Variants in PARP4 observed in about 807,000 individuals in gnomAD.
The protein encoded by PARP4 is protein mono-ADP-ribosyltransferase PARP4.
Under a neutral mutation model 187.7 loss-of-function variants are expected in PARP4, and 120 were observed. The ratio of observed to expected loss-of-function variants is 0.64; its 90% CI spans 0.55 to 0.74. The LOEUF is 0.74. Among genes scored for constraint, PARP4 ranks in the 30% least tolerant of loss-of-function variants. The probability of loss-of-function intolerance (pLI) is 0.00; values close to 1 mark genes in which losing one functional copy is unlikely to be tolerated. For missense variants in PARP4, 1,836 were observed against 2,070.5 expected, an observed-to-expected ratio of 0.89 and a Z score of 2.20; for synonymous variants, 654 against 740.9, an observed-to-expected ratio of 0.88 and a Z score of 1.90.
intron 17 of PARP4, among the ~76,000 whole-genome samples, chr13:24,465,932 A>G (rs1186848571): frequency 6.6e-6 from 1 of 152,024 alleles, no homozygotes; most frequent in Non-Finnish European, 1.5e-5. Context: ...AGGTTCTTAC[A>G]TATGAAGTAG....
At chr13:24,468,969 G>A in intron 17 of PARP4, 55 bp downstream of exon 17, 1 of 1,187,752 alleles carries the variant, frequency 8.4e-7, no homozygotes, top group Non-Finnish European at 1.3e-6. Context: ...TTCATATCTT[G>A]TTCTAACTCT....
intron 12 of PARP4, among the ~76,000 whole-genome samples, chr13:24,483,852 C>A (rs1873411827): frequency 6.6e-6 from 1 of 152,202 alleles, no homozygotes; most frequent in African/African-American, 2.4e-5. Context: ...GTCTCGAACT[C>A]CTGGCCTCAA....
rs145033589 is a variant in PARP4 at position 24,501,813 on chromosome 13, T to C, written c.154A>G (p.Asn52Asp). Residue 52 changes from asparagine (N) to aspartate (D), a missense_variant, in exon 3 of 34, where the codon AAT (asparagine) becomes GAT (aspartate). Transcript: ENST00000381989. Reference sequence around the variant, plus strand: ...TGGTACTGACTCAGAACATCAGCATTATCTAAGATTATATGTGTGCACTAA... The same window carrying C: ...TGGTACTGACTCAGAACATCAGCATCATCTAAGATTATATGTGTGCACTAA... ...NPQCTHIILDNADVLSQYQLN... is the reference protein window; with the variant it reads ...NPQCTHIILDDADVLSQYQLN... 117 of 1,609,894 alleles carry C rather than the reference T, an allele frequency of 7.3e-5. No individual in the cohort carries two copies. The African/African-American group carries it at 1.3e-3, about 17-fold the overall frequency.
rs1456525224 is a variant in PARP4 at position 24,498,125 on chromosome 13, A to G, written c.582T>C (p.Asp194=). 7 of 1,604,928 alleles carry G rather than the reference A, an allele frequency of 4.4e-6. No homozygotes were observed. In the South Asian group the frequency reaches 6.6e-5, roughly 15 times the overall value. ...ATATAAACAGCATTACCTCCATGCC[A>G]TCATCCAGGAGGAAGTGTGAGGATA... is the stretch of plus-strand genomic sequence containing the variant. ...FLISSHFLLD[D]GMETRRQFAI... Residue 194 remains aspartate, a synonymous_variant, in exon 6 of 34, where the codon GAT becomes GAC. Coordinates refer to ENST00000381989, the MANE Select transcript of PARP4 (RefSeq NM_006437.4).
At chr13:24,427,227 G>A (rs1314455241) in intron 32 of PARP4, among the ~76,000 whole-genome samples, 4 of 152,082 alleles carry the variant, frequency 2.6e-5, no homozygotes, top group African/African-American at 4.8e-5. Context: ...AATTACACTG[G>A]TGTATCAAAT....
Position 24,435,001 on chromosome 13 carries a change from C to A in PARP4, c.4140G>T (p.Ser1380=), listed in dbSNP as rs370122963. The A allele has an allele frequency of 3.8e-5, 61 of 1,613,754 alleles. No individual in the cohort carries two copies. The highest frequency in any genetic ancestry group is 4.4e-5 in the Non-Finnish European group (52 of 1,180,018). The change falls in exon 31 of 34, where the codon TCG becomes TCT. Residue 1380 remains serine, a synonymous_variant. Coordinates refer to ENST00000381989, the MANE Select transcript of PARP4 (RefSeq NM_006437.4). ...GGGGAGGTCCTGTGGGACAAGACGC[C>A]GACTGTGGGATCCAGTCAGCACAAG... ...PGTCADWIPQ[S]ASCPTGPPQN...
chr13:24,456,972 A>G (rs538935982), intron 20 of PARP4, among the ~76,000 whole-genome samples: 2 of 152,160 alleles, frequency 1.3e-5, no homozygotes, highest in Admixed American at 6.5e-5. Context: ...GACCATGAGC[A>G]TATCAGTCAC....
intron 21 of PARP4, among the ~76,000 whole-genome samples, chr13:24,455,757 A>G (rs1871811662): frequency 6.7e-6 from 1 of 150,020 alleles, no homozygotes. Flanking sequence ...AGCTGAAACC[A>G]CAGGTGTGCA....
chr13:24,449,685 A>T, intron 25 of PARP4, 33 bp downstream of exon 25: 1 of 1,132,122 alleles, frequency 8.8e-7, no homozygotes, highest in Non-Finnish European at 1.3e-6. Flanking sequence ...ATTTCCAAAC[A>T]TAAATATAAA....
intron 17 of PARP4, among the ~76,000 whole-genome samples, chr13:24,461,809 A>T (rs1355810257): frequency 6.6e-6 from 1 of 152,114 alleles, no homozygotes; most frequent in East Asian, 1.9e-4. Context: ...AGCTGCGGGG[A>T]AGGGGCAGAA....
chr13:24,462,871 G>C (rs1197700886), intron 17 of PARP4, among the ~76,000 whole-genome samples: 1 of 110,158 alleles, frequency 9.1e-6, no homozygotes, highest in East Asian at 3.1e-4. Context: ...AAATGAAAGT[G>C]AAAACAGAGC....
intron 1 of PARP4, among the ~76,000 whole-genome samples, chr13:24,508,421 G>GA (rs981383365): frequency 2.0e-5 from 3 of 150,838 alleles, no homozygotes; most frequent in Non-Finnish European, 3.0e-5. Context: ...TTGTATAACA[G>GA]AAAAAAAAAG....
intron 24 of PARP4, among the ~76,000 whole-genome samples, chr13:24,451,056 G>T (rs73172132): frequency 0.098 from 14,938 of 152,070 alleles, 805 homozygotes; most frequent in Middle Eastern, 0.12. Flanking sequence ...ACACTCCCTT[G>T]ATTTCCTCCC....
At chr13:24,492,365 A>ACCCC (rs1868702690) in intron 9 of PARP4, 56 bp downstream of exon 9, 1 of 1,152,660 alleles carries the variant, frequency 8.7e-7, no homozygotes, top group East Asian at 2.5e-5. Flanking sequence ...ATTTCTAAAG[A>ACCCC]CCCCCACCCT....
chr13:24,489,489 T>C (rs1868504531), intron 10 of PARP4, among the ~76,000 whole-genome samples: 1 of 151,984 alleles, frequency 6.6e-6, no homozygotes, highest in East Asian at 1.9e-4. Flanking sequence ...GCGTCTATAG[T>C]CCCAGCTGAG....
At chr13:24,499,183 C>T in intron 5 of PARP4, 118 bp downstream of exon 5, 1 of 1,048,606 alleles carries the variant, frequency 9.5e-7, no homozygotes, top group Non-Finnish European at 1.3e-6. Context: ...ATATGATATT[C>T]AGGATATGCA....
intron 26 of PARP4, 34 bp from the exon 27 acceptor site, chr13:24,446,795 C>T (rs751625870): frequency 2.6e-5 from 37 of 1,408,256 alleles, no homozygotes; most frequent in Non-Finnish European, 3.6e-5. Flanking sequence ...TCCTCATTAG[C>T]CTTTCCACTC....
Position 24,492,414 on chromosome 13 carries a change from G to A in PARP4, c.1053+7C>T, listed in dbSNP as rs759851107. 109 of 1,603,120 alleles carry A rather than the reference G, an allele frequency of 6.8e-5. No individual in the cohort carries two copies. Among genetic ancestry groups the A allele is most frequent in the Non-Finnish European group, 8.7e-5 (102 of 1,173,354 alleles). ...AATAAATAGAATTCTATATTTCAGA[G>A]GTTTACCTGGCAGAGGTCTGCTTTC... On this transcript the variant is annotated splice_region_variant and intron_variant, in intron 9 of 33. Coordinates refer to ENST00000381989, the MANE Select transcript of PARP4 (RefSeq NM_006437.4).
rs1240836980 is a variant in PARP4, at chr13:24,445,947, G to C, written c.3366+734C>G. 5.9e-5 allele frequency among the ~76,000 whole-genome samples: 9 copies of C among 152,302 alleles called. No homozygotes were observed. In the East Asian group the frequency reaches 1.2e-3, roughly 20 times the overall value. On this transcript the variant is annotated intron_variant, in intron 27 of 33. Transcript: ENST00000381989. ...AATTAAATTGTAGGACATGCAACTG[G>C]TGTCAGAGAATTGGTTGGGAAAAAC...
Sources: allele counts gnomAD v4.1 joint callset (sites outside exome capture counted in the v4.1 genomes callset), GRCh38; gene constraint gnomAD v4.1.1; transcripts MANE v1.5; gene names NCBI Gene and HGNC (gene_info 2026-07-23, HGNC 2026-07-21).